Variants in MDN1 observed in about 807,000 individuals in gnomAD.
MDN1 encodes midasin AAA ATPase 1.
MDN1 carries 266 observed loss-of-function variants against 669.2 expected under a neutral mutation model. The ratio of observed to expected loss-of-function variants is 0.40; its 90% CI spans 0.36 to 0.44. The LOEUF (loss-of-function observed/expected upper bound fraction) is 0.44. Among genes scored for constraint, MDN1 ranks in the 20% least tolerant of loss-of-function variants. The probability of loss-of-function intolerance (pLI) is 1.00; values close to 1 mark genes in which losing one functional copy is unlikely to be tolerated. For missense variants in MDN1, 5,940 were observed against 6,754.0 expected, an observed-to-expected ratio of 0.88 and a Z score of 4.22; for synonymous variants, 2,385 against 2,457.1, an observed-to-expected ratio of 0.97 and a Z score of 0.87.
chr6:89,794,908 C>G (rs1263579704), intron 2 of MDN1, 107 bp from the exon 3 acceptor site: 5 of 906,144 alleles, frequency 5.5e-6, no homozygotes, highest in East Asian at 5.1e-5. Flanking sequence ...TCAACTTAAG[C>G]TATTTTCAAA....
At chr6:89,661,353 G>T in intron 88 of MDN1, 78 bp downstream of exon 88, 1 of 1,500,792 alleles carries the variant, frequency 6.7e-7, no homozygotes. Context: ...ATGACACTGA[G>T]CTAGCTTTCA....
At chr6:89,752,517 A>G (rs1190659281) in intron 22 of MDN1, among the ~76,000 whole-genome samples, 4 of 152,194 alleles carry the variant, frequency 2.6e-5, no homozygotes, top group Admixed American at 6.5e-5. Flanking sequence ...AAACAAGCCA[A>G]TTTACATGTT....
chr6:89,754,561 T>G (rs1394077347), intron 20 of MDN1, among the ~76,000 whole-genome samples: 1 of 152,200 alleles, frequency 6.6e-6, no homozygotes, highest in East Asian at 1.9e-4. Flanking sequence ...ACAAAGAAAG[T>G]TCCTATGCAA....
intron 95 of MDN1, among the ~76,000 whole-genome samples, chr6:89,651,187 TG>T (rs1808832377): frequency 6.8e-6 from 1 of 146,372 alleles, no homozygotes. Context: ...TAGCTGGGCA[TG>T]GGGGCAGGCA....
chr6:89,653,700 G>A (rs1464283861), intron 93 of MDN1, among the ~76,000 whole-genome samples: 1 of 152,194 alleles, frequency 6.6e-6, no homozygotes, highest in East Asian at 1.9e-4. Context: ...TTCCATTGCT[G>A]ATGAAGCTAT....
chr6:89,702,106 A>C (rs1482389970), intron 53 of MDN1, 45 bp from the exon 54 acceptor site: 1 of 1,537,328 alleles, frequency 6.5e-7, no homozygotes, highest in East Asian at 2.3e-5. Flanking sequence ...AGAAAGACTA[A>C]AGCAAGAAGA....
At chr6:89,781,730 C>T in intron 9 of MDN1, 138 bp from the exon 10 acceptor site, 2 of 656,864 alleles carry the variant, frequency 3.0e-6, no homozygotes, top group South Asian at 4.4e-5. Flanking sequence ...GTAGCTCACA[C>T]CTGTAATCCC....
Position 89,683,907 on chromosome 6 carries a change from G to GT in MDN1, c.11830-4dup, listed in dbSNP as rs762709383. 1 of 1,607,402 alleles carries GT rather than the reference G, an allele frequency of 6.2e-7. No homozygotes were observed. The highest frequency in any genetic ancestry group is 8.5e-7 in the Non-Finnish European group (1 of 1,174,512). ...CACTTGGAAATCTTAACAAATTCCT[G>GT]TAAGATAAATGATGTTCAAGAAATG... On this transcript the variant is annotated splice_polypyrimidine_tract_variant and splice_region_variant and intron_variant, in intron 71 of 101. Coordinates refer to ENST00000369393, the MANE Select transcript of MDN1 (RefSeq NM_014611.3).
At chr6:89,675,091 C>G (rs1464002261) in intron 78 of MDN1, among the ~76,000 whole-genome samples, 1 of 152,172 alleles carries the variant, frequency 6.6e-6, no homozygotes, top group Non-Finnish European at 1.5e-5. Context: ...CATCGGTGCC[C>G]AAGACCATCT....
chr6:89,800,337 G>C (rs1178085952), intron 2 of MDN1, among the ~76,000 whole-genome samples: 1 of 151,940 alleles, frequency 6.6e-6, no homozygotes, highest in Non-Finnish European at 1.5e-5. Flanking sequence ...TGAGGCAGGA[G>C]AATCACGTGA....
In MDN1 at chr6:89,714,846, T is replaced by C. The variant is rs1814217037; in HGVS notation, c.6861-95A>G. 4.6e-5 allele frequency: 44 copies of C among 961,938 alleles called. No individual in the cohort carries two copies. In the South Asian group the frequency reaches 6.4e-4, roughly 14 times the overall value. 59.6% of individuals were successfully genotyped at this position (961,938 alleles called of 1,614,324 possible). On this transcript the variant is annotated intron_variant, in intron 45 of 101. Transcript: ENST00000369393. Reference sequence around the variant, plus strand: ...TCAGTCAGTGAGGGCAAATCCTATGTGGCTCATTGTCACAGAATTCACACC... The same window carrying C: ...TCAGTCAGTGAGGGCAAATCCTATGCGGCTCATTGTCACAGAATTCACACC...
Position 89,695,763 on chromosome 6 carries a change from C to T in MDN1, c.9613G>A (p.Val3205Ile). 1 of 1,613,750 alleles carries T rather than the reference C, an allele frequency of 6.2e-7. No homozygotes were observed. The change falls in exon 61 of 102, where the codon GTT (valine) becomes ATT (isoleucine). Residue 3205 changes from valine to isoleucine, a missense_variant. Physicochemically the swap from Val to Ile is conservative, Grantham distance 29 (BLOSUM62 3). Transcript: ENST00000369393. This position sits in a 1 kb window ranked among gnomAD's most constrained non-coding sequence, Gnocchi z 4.1. ...CQLLTSLHHF[V>I]GEGESKRSLP... is the part of the protein sequence containing the mutation. ...CTCCTCTTACTCTCCCCTTCACCAACAAAGTGGTGCAGGGAGGTGAGCAAC... is the reference window on the plus strand; with the variant it reads ...CTCCTCTTACTCTCCCCTTCACCAATAAAGTGGTGCAGGGAGGTGAGCAAC...
chr6:89,683,189 A>G lies in MDN1; in HGVS notation c.12045T>C (p.Ile4015=). The change falls in exon 73 of 102, where the codon ATT becomes ATC. Residue 4015 remains isoleucine, a synonymous_variant. Coordinates refer to ENST00000369393, the MANE Select transcript of MDN1 (RefSeq NM_014611.3). ...TDGAASELSS[I]QNLNRALRET... ...CCCTCAGTGCCCTGTTCAGATTCTG[A>G]ATGGAAGACAGTTCACTTGCAGCTC... 6.2e-7 allele frequency: 1 copy of G among 1,614,068 alleles called. No homozygotes were observed. The highest frequency in any genetic ancestry group is 8.5e-7 in the Non-Finnish European group (1 of 1,180,024).
intron 2 of MDN1, among the ~76,000 whole-genome samples, chr6:89,798,512 A>C (rs1314410257): frequency 2.6e-5 from 4 of 152,230 alleles, no homozygotes; most frequent in Non-Finnish European, 5.9e-5. Context: ...CAAAAAAAAA[A>C]AAGTGAAACA....
intron 15 of MDN1, among the ~76,000 whole-genome samples, chr6:89,767,603 C>T: frequency 6.6e-6 from 1 of 151,950 alleles, no homozygotes; most frequent in East Asian, 1.9e-4. Context: ...ATTAAAAATA[C>T]AAAATTATCC....
In MDN1 at chr6:89,695,639, T is replaced by A; in HGVS notation, c.9737A>T (p.Lys3246Met). Residue 3246 changes from lysine to methionine, a missense_variant, in exon 61 of 102, where the codon AAG becomes ATG. This residue lies in a region of MDN1 where 2,292 missense variants were observed against 2,638.3 expected (regional missense o/e 0.87). Transcript: ENST00000369393. This position sits in a 1 kb window ranked among gnomAD's most constrained non-coding sequence, Gnocchi z 4.1. ...LPQARFDPAV[K>M]REYKLNYVKE... Reference sequence around the variant, plus strand: ...GACGTAATTGAGCTTGTACTCCCTCTTCACCGCAGGGTCAAAGCGTGCCTG... The same window carrying A: ...GACGTAATTGAGCTTGTACTCCCTCATCACCGCAGGGTCAAAGCGTGCCTG... 6.2e-7 allele frequency: 1 copy of A among 1,607,594 alleles called. No individual in the cohort carries two copies. Among genetic ancestry groups the A allele is most frequent in the African/African-American group, 1.3e-5 (1 of 74,964 alleles).
chr6:89,775,432 C>T (rs1321869837), intron 12 of MDN1, among the ~76,000 whole-genome samples: 2 of 152,286 alleles, frequency 1.3e-5, no homozygotes, highest in Admixed American at 6.5e-5. Context: ...TTATAAAAAT[C>T]TCTACTACTG....
chr6:89,662,670 A>G, intron 86 of MDN1, 122 bp downstream of exon 86: 1 of 1,154,420 alleles, frequency 8.7e-7, no homozygotes, highest in South Asian at 1.6e-5. Flanking sequence ...GAAAAAGAGG[A>G]ATAGAAAAAA....
At chr6:89,725,846 A>C (rs1367377605) in intron 37 of MDN1, among the ~76,000 whole-genome samples, 1 of 151,328 alleles carries the variant, frequency 6.6e-6, no homozygotes, top group Non-Finnish European at 1.5e-5. Context: ...CAATGTTAGA[A>C]TTACAGGCAT....
Sources: allele counts gnomAD v4.1 joint callset (sites outside exome capture counted in the v4.1 genomes callset), GRCh38; gene constraint gnomAD v4.1.1; regional missense constraint gnomAD v4.1.1; non-coding constraint Gnocchi (gnomAD v3.1); transcripts MANE v1.5; gene names NCBI Gene and HGNC (gene_info 2026-07-23, HGNC 2026-07-21).